NIBAN3: variants seen among roughly 807,000 people sequenced by gnomAD.
NIBAN3 encodes protein Niban 3.
NIBAN3 carries 66 observed loss-of-function variants against 76.4 expected under a neutral mutation model. The observed-to-expected ratio is 0.86, with a 90% CI of 0.71 to 1.06. The LOEUF (loss-of-function observed/expected upper bound fraction) is 1.06. NIBAN3 is among the 50% of genes least tolerant of loss of function. The pLI, the probability that NIBAN3 is intolerant of heterozygous loss-of-function variation, is 0.00. For missense variants in NIBAN3, 808 were observed against 810.7 expected (o/e 1.00, Z 0.04); for synonymous variants, 360 against 355.2 (o/e 1.01, Z -0.15).
downstream of NIBAN3, chr19:17,553,684 G>C: frequency 1.2e-6 from 1 of 831,532 alleles, no homozygotes; most frequent in South Asian, 1.6e-5. Context: ...ACGGGATGTA[G>C]ATGTTAATTC....
intron 13 of NIBAN3, among the ~76,000 whole-genome samples, chr19:17,547,164 C>T (rs952384292): frequency 5.9e-5 from 9 of 151,398 alleles, no homozygotes; most frequent in Non-Finnish European, 1.0e-4. Context: ...ACCAGCCTGT[C>T]CAACATGGTG....
downstream of NIBAN3, among the ~76,000 whole-genome samples, chr19:17,554,797 AAAT>A (rs71162154): frequency 0.13 from 17,680 of 138,038 alleles, 1,412 homozygotes; most frequent in African/African-American, 0.22. Flanking sequence ...AAAAAAAAGA[AAAT>A]AATAATAATA....
rs1252879763 is a variant in NIBAN3 at position 17,552,271 on chromosome 19, G to A, written c.*373G>A. ...TTTTTGTGTTTTTAGTAGAGATGGG[G>A]TTTCACCATGTTGGCCAGGCTGGTC... On this transcript the variant is annotated 3_prime_UTR_variant, in exon 15 of 15. Coordinates refer to ENST00000599164, the MANE Select transcript of NIBAN3 (RefSeq NM_001321827.2). 1 of 155,312 alleles carries A rather than the reference G, an allele frequency of 6.4e-6. No homozygotes were observed. Among genetic ancestry groups the A allele is most frequent in the Non-Finnish European group, 1.4e-5 (1 of 70,216 alleles). The allele number at this position is 155,312 out of a possible 1,614,324, so 9.6% of individuals were successfully genotyped here. A position where few individuals can be genotyped will look rare whatever the true frequency, so the allele number is the denominator to read the frequency against.
upstream of NIBAN3, among the ~76,000 whole-genome samples, chr19:17,524,394 T>C (rs1303690232): frequency 6.6e-6 from 1 of 152,100 alleles, no homozygotes; most frequent in South Asian, 2.1e-4. Flanking sequence ...CAAGTGATTC[T>C]CCTGACTCAG....
At chr19:17,530,531 C>CAAAA (rs558680407) in intron 1 of NIBAN3, among the ~76,000 whole-genome samples, 5 of 46,362 alleles carry the variant, frequency 1.1e-4, no homozygotes, top group Non-Finnish European at 1.8e-4. Context: ...GACTCCATCT[C>CAAAA]AAAAAAAAAA....
intron 5 of NIBAN3, among the ~76,000 whole-genome samples, chr19:17,538,415 TAAA>T (rs74658358): frequency 5.2e-5 from 6 of 115,102 alleles, no homozygotes; most frequent in African/African-American, 3.3e-5. Context: ...GACTCTGTCT[TAAA>T]AAAAAAAAAA....
In NIBAN3 at chr19:17,553,063, G is replaced by A. The variant is rs1463599192; in HGVS notation, c.*1165G>A. ...GCACTCCAGCCTGGGTGATGGGAGT[G>A]AGACCCTGTCTCAAAAAACAAAATC... On this transcript the variant is annotated 3_prime_UTR_variant, in exon 15 of 15. Transcript: ENST00000599164. 16 of 398,752 alleles carry A rather than the reference G, an allele frequency of 4.0e-5. No individual in the cohort carries two copies. Among genetic ancestry groups the A allele is most frequent in the Middle Eastern group, 8.1e-4 (1 of 1,240 alleles). The allele number at this position is 398,752 out of a possible 1,614,324, so 24.7% of individuals were successfully genotyped here. A position where few individuals can be genotyped will look rare whatever the true frequency, so the allele number is the denominator to read the frequency against.
upstream of NIBAN3, among the ~76,000 whole-genome samples, chr19:17,524,686 T>C (rs528745887): frequency 6.6e-6 from 1 of 152,350 alleles, no homozygotes; most frequent in East Asian, 1.9e-4. Context: ...GAGGTTTAGC[T>C]CTTTCTCTGG....
chr19:17,532,753 C>T (rs2075752825), intron 3 of NIBAN3, among the ~76,000 whole-genome samples: 1 of 152,130 alleles, frequency 6.6e-6, no homozygotes, highest in South Asian at 2.1e-4. Flanking sequence ...TGGGATGTTT[C>T]ACACCATGTA....
At position 17,539,390 on chromosome 19, in the gene NIBAN3, G is replaced by C; in HGVS notation, c.755G>C (p.Arg252Pro). Residue 252 changes from arginine (R) to proline (P), a missense_variant, in exon 7 of 15, where the codon CGA becomes CCA. Arg to Pro is a moderately radical substitution (Grantham distance 103). Transcript: ENST00000599164. Reference protein sequence around the residue: ...VLMREQLPALRAQTLPGLRGA... With the variant: ...VLMREQLPALPAQTLPGLRGA... The stretch of plus-strand genomic sequence containing the variant: ...ATGCGGGAGCAACTTCCCGCGCTGC[G>C]AGCCCAGACCCTTCCTGGCCTGCGG... The C allele has an allele frequency of 6.5e-7, 1 of 1,540,466 alleles. No homozygotes were observed. Among genetic ancestry groups the C allele is most frequent in the Non-Finnish European group, 8.7e-7 (1 of 1,145,916 alleles).
upstream of NIBAN3, among the ~76,000 whole-genome samples, chr19:17,525,650 G>A (rs936532893): frequency 6.6e-6 from 1 of 152,126 alleles, no homozygotes; most frequent in African/African-American, 2.4e-5. Flanking sequence ...GGGACATGGG[G>A]GCTTCGGGAG....
At chr19:17,525,448 G>A (rs923215032), upstream of NIBAN3, among the ~76,000 whole-genome samples, 1 of 152,174 alleles carries the variant, frequency 6.6e-6, no homozygotes, top group Non-Finnish European at 1.5e-5. Flanking sequence ...AAGGGGTGGA[G>A]ACGCCCAACT....
intron 4 of NIBAN3, 107 bp from the exon 5 acceptor site, chr19:17,537,269 A>C (rs985787727): frequency 3.6e-6 from 4 of 1,122,520 alleles, no homozygotes; most frequent in Non-Finnish European, 5.2e-6. Flanking sequence ...GGTATGACTC[A>C]TATTTATCGA....
At chr19:17,530,329 C>CA (rs141427301) in intron 1 of NIBAN3, among the ~76,000 whole-genome samples, 27,243 of 150,322 alleles carry the variant, frequency 0.18, 2,948 homozygotes, top group African/African-American at 0.3. Flanking sequence ...AAACAAAAAA[C>CA]AAAAAACAAA....
intron 13 of NIBAN3, among the ~76,000 whole-genome samples, chr19:17,547,023 G>A (rs1236072113): frequency 1.3e-5 from 2 of 152,160 alleles, no homozygotes; most frequent in Non-Finnish European, 2.9e-5. Context: ...ATGTATAGGA[G>A]TTCTCAGGAT....
upstream of NIBAN3, among the ~76,000 whole-genome samples, chr19:17,525,912 C>T (rs1401033458): frequency 6.6e-6 from 1 of 151,984 alleles, no homozygotes; most frequent in African/African-American, 2.4e-5. Flanking sequence ...CCAGCCTGGC[C>T]AACACAGGGA....
At chr19:17,549,780 C>A in intron 14 of NIBAN3, 1 of 545,534 alleles carries the variant, frequency 1.8e-6, no homozygotes, top group Non-Finnish European at 3.3e-6. Flanking sequence ...CCCTGGGGGG[C>A]TGAGATTGTG....
intron 12 of NIBAN3, chr19:17,546,124 C>G: frequency 4.9e-6 from 1 of 205,014 alleles, no homozygotes; most frequent in Admixed American, 4.9e-5. Context: ...TCACTATGCC[C>G]CCTCAGCTCC....
At chr19:17,535,909 T>C (rs956753282) in intron 4 of NIBAN3, among the ~76,000 whole-genome samples, 3 of 151,634 alleles carry the variant, frequency 2.0e-5, no homozygotes, top group African/African-American at 7.3e-5. Flanking sequence ...ATCTCTGAAA[T>C]AAAAATAAAT....
Sources: gnomAD v4.1 joint callset for allele counts (sites outside exome capture counted in the v4.1 genomes callset) on GRCh38, gnomAD v4.1.1 for gene constraint, MANE v1.5 for transcripts, NCBI Gene and HGNC (gene_info 2026-07-23, HGNC 2026-07-21) for gene names.